Variants in OR2Z1 observed in about 807,000 individuals in gnomAD.
OR2Z1 encodes olfactory receptor family 2 subfamily Z member 1, also known as olfactory receptor 2Z1.
For missense variants in OR2Z1, 449 were observed against 401.8 expected (o/e 1.12, Z -1.00); for synonymous variants, 188 against 160.6 (o/e 1.17, Z -1.29).
intron 2 of OR2Z1, among the ~76,000 whole-genome samples, chr19:8,724,616 C>T (rs2043320604): frequency 1.3e-5 from 2 of 152,196 alleles, no homozygotes; most frequent in African/African-American, 4.8e-5. Flanking sequence ...CCACCATCCT[C>T]ACTTCTCTTC....
chr19:8,725,751 G>C (rs371180341), intron 2 of OR2Z1, among the ~76,000 whole-genome samples: 1 of 152,166 alleles, frequency 6.6e-6, no homozygotes, highest in Non-Finnish European at 1.5e-5. Context: ...CAGTGTATTA[G>C]TCTATTCTTG....
At chr19:8,724,174 C>T (rs1312488815) in intron 2 of OR2Z1, among the ~76,000 whole-genome samples, 1 of 152,086 alleles carries the variant, frequency 6.6e-6, no homozygotes, top group African/African-American at 2.4e-5. Context: ...AGGCACTGCA[C>T]TTCTCAGATC....
rs150132901 is a variant in OR2Z1, at chr19:8,724,674, G to T, written c.-170+1524G>T. 8.2e-4 allele frequency among the ~76,000 whole-genome samples: 125 copies of T among 152,056 alleles called. 1 individual carries two copies. The highest frequency in any genetic ancestry group is 2.3e-3 in the African/African-American group (95 of 41,468). ...CATTCTTTCATTTTTTCCATTTTCGGGGCTCAGGGGTTGATGAAAGACAGA... is the reference window on the plus strand; with the variant it reads ...CATTCTTTCATTTTTTCCATTTTCGTGGCTCAGGGGTTGATGAAAGACAGA... On this transcript the variant is annotated intron_variant, in intron 2 of 2. Transcript: ENST00000641125.
chr19:8,724,354 G>A (rs1555755963), intron 2 of OR2Z1, among the ~76,000 whole-genome samples: 1 of 151,910 alleles, frequency 6.6e-6, no homozygotes, highest in Non-Finnish European at 1.5e-5. Flanking sequence ...TCCCACCTTA[G>A]CCTCCCAAGT....
intron 1 of OR2Z1, among the ~76,000 whole-genome samples, chr19:8,722,620 T>A (rs1419300939): frequency 6.6e-6 from 1 of 152,134 alleles, no homozygotes; most frequent in Non-Finnish European, 1.5e-5. Context: ...TTAGAGTAAG[T>A]CATGGCTACT....
At chr19:8,727,696 G>A (rs944278095) in intron 2 of OR2Z1, among the ~76,000 whole-genome samples, 1 of 152,182 alleles carries the variant, frequency 6.6e-6, no homozygotes, top group Non-Finnish European at 1.5e-5. Context: ...GTGAAACCCT[G>A]TCTCTACTAA....
At chr19:8,723,968 T>TTGTGTGTGTGTGTGTGTG (rs55655760) in intron 2 of OR2Z1, among the ~76,000 whole-genome samples, 2 of 132,762 alleles carry the variant, frequency 1.5e-5, no homozygotes, top group Non-Finnish European at 3.3e-5. Context: ...GGGAGTCTGT[T>TTGTGTGTGTGTGTGTGTG]TGTGTGTGTG....
rs2043352906 is a variant in OR2Z1, at chr19:8,731,274, A to C, written c.246A>C (p.Ala82=). 6.2e-7 allele frequency: 1 copy of C among 1,613,990 alleles called. No homozygotes were observed. The highest frequency in any genetic ancestry group is 1.1e-5 in the South Asian group (1 of 91,072). ...CCATGGTCACCATCCCCAAGATGGC[A>C]TCAGACTTTCTGCGGGGAGAAGGTG... ...GCPMVTIPKM[A]SDFLRGEGAT... Residue 82 remains alanine, a synonymous_variant, in exon 3 of 3, where the codon GCA becomes GCC. Coordinates refer to ENST00000641125, the MANE Select transcript of OR2Z1 (RefSeq NM_001004699.3).
At position 8,726,547 on chromosome 19, in the gene OR2Z1, T is replaced by C. The variant is rs149865616; in HGVS notation, c.-170+3397T>C. On this transcript the variant is annotated intron_variant, in intron 2 of 2. Coordinates refer to ENST00000641125, the MANE Select transcript of OR2Z1 (RefSeq NM_001004699.3). ...CAGGGCATCCTGACCACTTCACCCC[T>C]GCACTTCCCCCTATCACAAAGGTCT... Among the ~76,000 whole-genome samples the C allele has an allele frequency of 9.2e-5, 14 of 152,374 alleles. No individual in the cohort carries two copies. In the East Asian group the frequency reaches 2.1e-3, roughly 23 times the overall value.
chr19:8,731,840 A>G lies in OR2Z1; in HGVS notation c.812A>G (p.Asp271Gly), dbSNP rs1295576029. The G allele has an allele frequency of 6.2e-7, 1 of 1,614,210 alleles. No individual in the cohort carries two copies. The highest frequency in any genetic ancestry group is 2.2e-5 in the East Asian group (1 of 44,878). ...TGCGCCTACCACAGTCCACAGCAGG[A>G]TAACGTGGTTTCCCTCTTCTATAGC... The part of the protein sequence containing the change: ...VPCAYHSPQQ[D>G]NVVSLFYSLV... The change falls in exon 3 of 3, where the codon GAT becomes GGT. Residue 271 changes from aspartate to glycine, a missense_variant. By Grantham distance (94) the Asp-to-Gly change is moderately conservative (BLOSUM62 -1). Transcript: ENST00000641125.
intron 1 of OR2Z1, among the ~76,000 whole-genome samples, chr19:8,722,767 C>A (rs11665990): frequency 6.6e-6 from 1 of 151,946 alleles, no homozygotes; most frequent in Non-Finnish European, 1.5e-5. Context: ...CTTTGTGAGG[C>A]CAAGATGGGG....
intron 2 of OR2Z1, among the ~76,000 whole-genome samples, chr19:8,724,068 G>T (rs1304423912): frequency 2.0e-5 from 3 of 151,796 alleles, no homozygotes; most frequent in African/African-American, 7.3e-5. Context: ...GTTTGGAGAT[G>T]TGTGAAATGC....
At position 8,731,737 on chromosome 19, in the gene OR2Z1, G is replaced by T; in HGVS notation, c.709G>T (p.Ala237Ser). The T allele has an allele frequency of 6.2e-7, 1 of 1,614,062 alleles. No individual in the cohort carries two copies. The highest frequency in any genetic ancestry group is 2.2e-5 in the East Asian group (1 of 44,888). The change falls in exon 3 of 3, where the codon GCT becomes TCT. Residue 237 changes from alanine (A) to serine (S), a missense_variant. Coordinates refer to ENST00000641125, the MANE Select transcript of OR2Z1 (RefSeq NM_001004699.3). ...SMRSEEARHKAVTTCSSHITV... is the reference protein window; with the variant it reads ...SMRSEEARHKSVTTCSSHITV... ...GCGCTCAGAGGAGGCCAGACACAAG[G>T]CTGTCACCACCTGCTCCTCGCACAT...
intron 2 of OR2Z1, among the ~76,000 whole-genome samples, chr19:8,728,017 T>C (rs539481758): frequency 6.6e-6 from 1 of 152,254 alleles, no homozygotes; most frequent in Non-Finnish European, 1.5e-5. Context: ...CCTGGTCATA[T>C]AGCCCAAAGT....
In OR2Z1 at chr19:8,722,012, G is replaced by C. The variant is rs2043309747; in HGVS notation, c.-245G>C. The C allele has an allele frequency of 6.6e-6, 1 of 152,158 alleles. No individual in the cohort carries two copies. Among genetic ancestry groups the C allele is most frequent in the Non-Finnish European group, 1.5e-5 (1 of 68,034 alleles). 9.4% of individuals were successfully genotyped at this position (152,158 alleles called of 1,614,324 possible). A position where few individuals can be genotyped will look rare whatever the true frequency, so the allele number is the denominator to read the frequency against. On this transcript the variant is annotated 5_prime_UTR_variant, in exon 1 of 3. Coordinates refer to ENST00000641125, the MANE Select transcript of OR2Z1 (RefSeq NM_001004699.3). Reference sequence around the variant, plus strand: ...GAAATCAAACTGGGTTCAAATCCCAGTCTACCCTCTTCTTAGCTGTGTGAC... The same window carrying C: ...GAAATCAAACTGGGTTCAAATCCCACTCTACCCTCTTCTTAGCTGTGTGAC...
At chr19:8,725,837 G>A (rs946853964) in intron 2 of OR2Z1, among the ~76,000 whole-genome samples, 16 of 152,212 alleles carry the variant, frequency 1.1e-4, no homozygotes, top group Non-Finnish European at 2.2e-4. Context: ...TGGTTCTGTA[G>A]GCTGTACAGG....
At chr19:8,727,253 C>T (rs1555756274) in intron 2 of OR2Z1, among the ~76,000 whole-genome samples, 1 of 152,142 alleles carries the variant, frequency 6.6e-6, no homozygotes, top group African/African-American at 2.4e-5. Flanking sequence ...CTCCATTGCA[C>T]TCTTAGTAAT....
chr19:8,727,740 G>A (rs2043333609), intron 2 of OR2Z1, among the ~76,000 whole-genome samples: 1 of 152,162 alleles, frequency 6.6e-6, no homozygotes, highest in Admixed American at 6.5e-5. Context: ...GATGGCATGT[G>A]CCTGTAATCC....
chr19:8,732,078 TC>T lies in OR2Z1; in HGVS notation c.*107del. Reference sequence around the variant, plus strand: ...GCCAATTTGTGCAACTGGCCAAATATCCAGCCATTGCCCAAGGTGCAACTTT... The same window carrying T: ...GCCAATTTGTGCAACTGGCCAAATATCAGCCATTGCCCAAGGTGCAACTTT... On this transcript the variant is annotated 3_prime_UTR_variant, in exon 3 of 3. Coordinates refer to ENST00000641125, the MANE Select transcript of OR2Z1 (RefSeq NM_001004699.3). The T allele has an allele frequency of 1.2e-6, 1 of 858,270 alleles. No individual in the cohort carries two copies. Among genetic ancestry groups the T allele is most frequent in the Non-Finnish European group, 1.8e-6 (1 of 546,170 alleles). 53.2% of individuals were successfully genotyped at this position (858,270 alleles called of 1,614,324 possible).
Sources: gnomAD v4.1 joint callset for allele counts (sites outside exome capture counted in the v4.1 genomes callset) on GRCh38, gnomAD v4.1.1 for gene constraint, MANE v1.5 for transcripts, NCBI Gene and HGNC (gene_info 2026-07-23, HGNC 2026-07-21) for gene names.